The following SMARCA2 variants were observed in gnomAD, a reference collection of about 807,000 sequenced individuals.
The protein encoded by SMARCA2 is SWI/SNF-related matrix-associated actin-dependent regulator of chromatin subfamily A member 2.
A neutral mutation model predicts 199.8 loss-of-function variants in SMARCA2; 61 were observed. The ratio of observed to expected loss-of-function variants is 0.31; its 90% confidence interval spans 0.25 to 0.38. The LOEUF (loss-of-function observed/expected upper bound fraction) is 0.38, where lower values mean the gene tolerates loss of function less well. Among genes scored for constraint, SMARCA2 ranks in the 10% least tolerant of loss-of-function variants. The pLI, the probability that SMARCA2 is intolerant of heterozygous loss-of-function variation, is 1.00. For synonymous variants in SMARCA2, 935 were observed against 732.0 expected (o/e 1.28, Z -4.48); for missense variants, 1,344 against 2,012.2 (o/e 0.67, Z 6.35).
At chr9:2,028,955 C>A (rs879882168) in intron 1 of SMARCA2, 32 bp from the exon 2 acceptor site, 7 of 1,503,848 alleles carry the variant, frequency 4.7e-6, no homozygotes, top group Non-Finnish European at 3.6e-6. Context: ...ATGTTTAAAA[C>A]ATGCCTTCCT....
At chr9:2,174,158 C>T (rs1301652595) in intron 29 of SMARCA2, among the ~76,000 whole-genome samples, 2 of 152,074 alleles carry the variant, frequency 1.3e-5, no homozygotes, top group Non-Finnish European at 2.9e-5. Flanking sequence ...CCCTGAAGCC[C>T]CTCTTTCGAG....
chr9:2,094,507 C>T (rs1822189707), intron 19 of SMARCA2, among the ~76,000 whole-genome samples: 1 of 152,202 alleles, frequency 6.6e-6, no homozygotes, highest in Non-Finnish European at 1.5e-5. Context: ...ATGCCTTCCA[C>T]ATTCAGGAAG....
intron 6 of SMARCA2, 65 bp downstream of exon 6, chr9:2,054,788 T>C (rs961475244): frequency 1.9e-6 from 3 of 1,540,286 alleles, no homozygotes; most frequent in Admixed American, 1.7e-5. Flanking sequence ...TAAAGTGTTA[T>C]CTGTGTTGCC....
chr9:2,124,882 G>T (rs1385180206), intron 27 of SMARCA2, among the ~76,000 whole-genome samples: 2 of 152,152 alleles, frequency 1.3e-5, no homozygotes, highest in Admixed American at 6.5e-5. Context: ...CAGCAACCTG[G>T]GACGTGCATT....
intron 27 of SMARCA2, among the ~76,000 whole-genome samples, chr9:2,144,072 G>A (rs566471598): frequency 6.7e-6 from 1 of 149,610 alleles, no homozygotes; most frequent in Admixed American, 6.6e-5. Flanking sequence ...CCGGGAGATG[G>A]GGGGGGATGT....
At chr9:2,154,369 T>C (rs1411346531) in intron 27 of SMARCA2, among the ~76,000 whole-genome samples, 1 of 152,200 alleles carries the variant, frequency 6.6e-6, no homozygotes, top group Non-Finnish European at 1.5e-5. Flanking sequence ...GGGCTATTTT[T>C]TTCTATATTA....
chr9:2,061,049 G>A (rs1820569704), intron 9 of SMARCA2, 63 bp downstream of exon 9: 5 of 1,479,656 alleles, frequency 3.4e-6, no homozygotes, highest in South Asian at 1.2e-5. Context: ...TTTTTAAGGC[G>A]AGTATTGCTC....
At position 2,036,111 on chromosome 9, in the gene SMARCA2, A is replaced by G. The variant is rs550376033; in HGVS notation, c.355+3030A>G. On this transcript the variant is annotated intron_variant, in intron 3 of 33. Transcript: ENST00000349721. The stretch of plus-strand genomic sequence containing the variant: ...CTGAATTGTGTACCTTATGGTCCCA[A>G]TGATAACATTGTTTATTTTTAGTCC... 1.8e-4 allele frequency among the ~76,000 whole-genome samples: 28 copies of G among 152,286 alleles called. No homozygotes were observed. The South Asian group carries it at 4.6e-3, about 25-fold the overall frequency.
At chr9:2,077,308 C>A (rs542882310) in intron 13 of SMARCA2, among the ~76,000 whole-genome samples, 1 of 152,268 alleles carries the variant, frequency 6.6e-6, no homozygotes, top group East Asian at 1.9e-4. Flanking sequence ...GGTTCAGGCT[C>A]CTATCTGTCT....
At chr9:2,073,682 C>G (rs1298820163) in intron 12 of SMARCA2, 59 bp downstream of exon 12, 1 of 1,330,354 alleles carries the variant, frequency 7.5e-7, no homozygotes, top group African/African-American at 1.4e-5. Context: ...GGAAGAAATT[C>G]TTCCTGAATG....
intron 1 of SMARCA2, among the ~76,000 whole-genome samples, chr9:2,015,811 AC>A: frequency 6.6e-6 from 1 of 152,172 alleles, no homozygotes; most frequent in Non-Finnish European, 1.5e-5. Context: ...AGGTTGCAAC[AC>A]ACACATTGGG....
At chr9:2,130,259 C>A (rs1823883406) in intron 27 of SMARCA2, among the ~76,000 whole-genome samples, 1 of 152,222 alleles carries the variant, frequency 6.6e-6, no homozygotes, top group African/African-American at 2.4e-5. Flanking sequence ...CTCCTCCTTG[C>A]CTTCCTGTTA....
intron 19 of SMARCA2, among the ~76,000 whole-genome samples, chr9:2,093,596 G>C (rs1204459386): frequency 6.6e-6 from 1 of 152,162 alleles, no homozygotes; most frequent in Non-Finnish European, 1.5e-5. Context: ...AGTATGATCT[G>C]ATTTTAACTA....
In SMARCA2 at chr9:2,103,644, G is replaced by C. The variant is rs992459433; in HGVS notation, c.3126-359G>C. 2.9e-5 allele frequency among the ~76,000 whole-genome samples: 3 copies of C among 104,120 alleles called. No homozygotes were observed. The South Asian group carries it at 8.2e-4, about 28-fold the overall frequency. The allele number at this position is 104,120 out of a possible 152,430, so 68.3% of individuals were successfully genotyped here. A position where few individuals can be genotyped will look rare whatever the true frequency, so the allele number is the denominator to read the frequency against. On this transcript the variant is annotated intron_variant, in intron 22 of 33. Transcript: ENST00000349721. Reference sequence around the variant, plus strand: ...ACATGGCATATACGTGTGTGTGTACGTGTGTGTGTGTGTGTGTGAGAGAGA... The same window carrying C: ...ACATGGCATATACGTGTGTGTGTACCTGTGTGTGTGTGTGTGTGAGAGAGA...
At chr9:2,173,058 A>G (rs1227439230) in intron 29 of SMARCA2, among the ~76,000 whole-genome samples, 1 of 152,180 alleles carries the variant, frequency 6.6e-6, no homozygotes, top group Non-Finnish European at 1.5e-5. Flanking sequence ...GGCAGTCTGG[A>G]TGTGTGAGGA....
rs1335897593 is a variant in SMARCA2 at position 2,017,037 on chromosome 9, A to C, written c.-37+1633A>C. 1 of 152,076 alleles carries C rather than the reference A, an allele frequency of 6.6e-6. No individual in the cohort carries two copies. The highest frequency in any genetic ancestry group is 1.9e-4 in the East Asian group (1 of 5,140). The allele number at this position is 152,076 out of a possible 1,614,324, so 9.4% of individuals were successfully genotyped here. On this transcript the variant is annotated intron_variant, in intron 1 of 33. Transcript: ENST00000349721. This position sits in a 1 kb window ranked among gnomAD's most constrained non-coding sequence, Gnocchi z 8.8. ...TACACGGCGGAGGGCGGGGCGCGGCAGTGCGGGCTCCGGCGGACACCCGCG... is the reference window on the plus strand; with the variant it reads ...TACACGGCGGAGGGCGGGGCGCGGCCGTGCGGGCTCCGGCGGACACCCGCG...
intron 7 of SMARCA2, chr9:2,058,062 C>T: frequency 2.4e-6 from 1 of 412,770 alleles, no homozygotes; most frequent in Non-Finnish European, 4.4e-6. Context: ...AAGGAGGCTT[C>T]TCTTGCTAAA....
intron 28 of SMARCA2, among the ~76,000 whole-genome samples, chr9:2,167,492 G>A (rs1825992901): frequency 6.6e-6 from 1 of 152,230 alleles, no homozygotes; most frequent in Non-Finnish European, 1.5e-5. Flanking sequence ...AAGTGATGGA[G>A]GAGGCAGGAG....
chr9:2,041,295 T>C (rs1247742651), intron 4 of SMARCA2: 1 of 398,430 alleles, frequency 2.5e-6, no homozygotes, highest in Non-Finnish European at 4.4e-6. Context: ...GGTCATTGAC[T>C]GGGTGGCTTA....
Sources: gnomAD v4.1 joint callset for allele counts (sites outside exome capture counted in the v4.1 genomes callset) on GRCh38, gnomAD v4.1.1 for gene constraint, Gnocchi (gnomAD v3.1) non-coding constraint, MANE v1.5 for transcripts, NCBI Gene and HGNC (gene_info 2026-07-23, HGNC 2026-07-21) for gene names.